Variants in PCDH15 observed in about 807,000 individuals in gnomAD.
PCDH15 encodes protocadherin-15.
A neutral mutation model predicts 178.5 loss-of-function variants in PCDH15; 129 were observed. The ratio of observed to expected loss-of-function variants is 0.72; its 90% CI spans 0.63 to 0.84. The LOEUF is 0.84. Among genes scored for constraint, PCDH15 ranks in the 40% least tolerant of loss-of-function variants. PCDH15 has a pLI of 0.00. For missense variants in PCDH15, 2,230 were observed against 2,099.9 expected (o/e 1.06, Z -1.21); for synonymous variants, 800 against 732.0 (o/e 1.09, Z -1.50).
intron 4 of PCDH15, among the ~76,000 whole-genome samples, chr10:54,373,958 A>C (rs879820084): frequency 5.3e-5 from 8 of 152,056 alleles, no homozygotes; most frequent in Non-Finnish European, 1.2e-4. Context: ...TAATTACATT[A>C]GTTTTCTTAG....
At chr10:54,169,252 C>T (rs1294378418) in intron 13 of PCDH15, among the ~76,000 whole-genome samples, 1 of 60,188 alleles carries the variant, frequency 1.7e-5, no homozygotes, top group East Asian at 2.0e-4. Context: ...GCCTCGGAAG[C>T]CCCCTAGACA....
At chr10:55,382,448 G>C (rs1837558270) in intron 2 of PCDH15, among the ~76,000 whole-genome samples, 1 of 152,154 alleles carries the variant, frequency 6.6e-6, no homozygotes, top group Non-Finnish European at 1.5e-5. Context: ...ATCTACCATT[G>C]TTGGTAGATT....
At chr10:55,509,227 A>AC in intron 2 of PCDH15, among the ~76,000 whole-genome samples, 1 of 151,826 alleles carries the variant, frequency 6.6e-6, no homozygotes, top group Non-Finnish European at 1.5e-5. Flanking sequence ...AGAAGATTTT[A>AC]GGATATAGTA....
chr10:55,541,590 T>G (rs1841760876), intron 2 of PCDH15, among the ~76,000 whole-genome samples: 1 of 151,968 alleles, frequency 6.6e-6, no homozygotes, highest in African/African-American at 2.4e-5. Flanking sequence ...AAACTTATAT[T>G]TGTCATGCTA....
At chr10:55,360,489 G>A (rs1845201808) in intron 2 of PCDH15, among the ~76,000 whole-genome samples, 1 of 151,776 alleles carries the variant, frequency 6.6e-6, no homozygotes, top group African/African-American at 2.4e-5. Flanking sequence ...TGTATATCTA[G>A]GAAACATATG....
chr10:55,137,322 G>T (rs1838220676), intron 2 of PCDH15, among the ~76,000 whole-genome samples: 1 of 151,974 alleles, frequency 6.6e-6, no homozygotes, highest in Non-Finnish European at 1.5e-5. Flanking sequence ...ACTTACCATT[G>T]TGTTACAATT....
chr10:54,581,722 A>T (rs2133799238), intron 2 of PCDH15, among the ~76,000 whole-genome samples: 1 of 152,258 alleles, frequency 6.6e-6, no homozygotes, highest in East Asian at 1.9e-4. Context: ...ATACAAAAAC[A>T]GACACATAGA....
intron 1 of PCDH15, among the ~76,000 whole-genome samples, chr10:54,780,852 T>C (rs1198301793): frequency 2.0e-5 from 3 of 152,056 alleles, no homozygotes; most frequent in East Asian, 1.9e-4. Flanking sequence ...ATGATATAGA[T>C]GCCCGATTGT....
chr10:54,475,618 T>C (rs770185693), intron 3 of PCDH15, among the ~76,000 whole-genome samples: 61 of 151,962 alleles, frequency 4.0e-4, no homozygotes, highest in Non-Finnish European at 8.2e-4. Flanking sequence ...ATCTTATTTA[T>C]ACATATTTAT....
chr10:55,575,545 C>T (rs1306068507), intron 2 of PCDH15: 2 of 152,060 alleles, frequency 1.3e-5, no homozygotes, highest in Non-Finnish European at 2.9e-5. Context: ...TAGTTTGTAA[C>T]GAAGTGTCTA....
intron 8 of PCDH15, among the ~76,000 whole-genome samples, chr10:54,292,035 C>A (rs2059447870): frequency 6.6e-6 from 1 of 152,132 alleles, no homozygotes; most frequent in Non-Finnish European, 1.5e-5. Context: ...GAATTTTAAA[C>A]CAATATCCCT....
At chr10:55,312,640 G>T (rs149748981) in intron 1 of PCDH15, among the ~76,000 whole-genome samples, 1 of 148,926 alleles carries the variant, frequency 6.7e-6, no homozygotes, top group Non-Finnish European at 1.5e-5. Context: ...TTTTTTAGAC[G>T]TAGTTTCACT....
At chr10:55,600,442 T>A (rs1281472278) in intron 2 of PCDH15, among the ~76,000 whole-genome samples, 2 of 151,944 alleles carry the variant, frequency 1.3e-5, no homozygotes, top group Non-Finnish European at 2.9e-5. Flanking sequence ...ACCGCACTAG[T>A]GTAAGTCAGT....
intron 3 of PCDH15, chr10:54,864,743 G>T (rs143054676): frequency 6.6e-6 from 1 of 152,158 alleles, no homozygotes; most frequent in African/African-American, 2.4e-5. Flanking sequence ...CTCTGGCCAT[G>T]TGCATTTCTC....
chr10:53,858,308 C>T (rs572381612), intron 27 of PCDH15, among the ~76,000 whole-genome samples: 3 of 152,088 alleles, frequency 2.0e-5, no homozygotes, highest in Non-Finnish European at 2.9e-5. Flanking sequence ...AGATTCTTTA[C>T]ATATAGAGAC....
intron 37 of PCDH15, 126 bp downstream of exon 37, chr10:53,810,430 A>G: frequency 2.6e-6 from 2 of 779,610 alleles, no homozygotes; most frequent in Non-Finnish European, 4.3e-6. Context: ...TGAAATTTCT[A>G]TGGGAAATAC....
chr10:54,334,895 T>C (rs531341801), intron 6 of PCDH15, among the ~76,000 whole-genome samples: 14 of 152,328 alleles, frequency 9.2e-5, no homozygotes, highest in African/African-American at 3.1e-4. Flanking sequence ...TGTCTTTTTC[T>C]GTACCTCTCT....
chr10:54,896,975 G>A (rs1954557546), intron 3 of PCDH15, among the ~76,000 whole-genome samples: 1 of 152,108 alleles, frequency 6.6e-6, no homozygotes, highest in Non-Finnish European at 1.5e-5. Flanking sequence ...AACTCTTTCA[G>A]GGTCTTACTA....
At chr10:53,817,251 C>T (rs1455732267) in intron 34 of PCDH15, among the ~76,000 whole-genome samples, 1 of 152,152 alleles carries the variant, frequency 6.6e-6, no homozygotes, top group Non-Finnish European at 1.5e-5. Context: ...TATGCTAAAT[C>T]AAACTAGGTT....
Sources: gnomAD v4.1 joint callset for allele counts (sites outside exome capture counted in the v4.1 genomes callset) on GRCh38, gnomAD v4.1.1 for gene constraint, MANE v1.5 for transcripts, NCBI Gene and HGNC (gene_info 2026-07-23, HGNC 2026-07-21) for gene names.